PLOD2: variants seen among roughly 807,000 people sequenced by gnomAD.
PLOD2 encodes lysine hydroxylase 2.
PLOD2 carries 65 observed loss-of-function variants against 101.0 expected under a neutral mutation model. The observed-to-expected ratio is 0.64, with a 90% CI of 0.53 to 0.79. The LOEUF is 0.79. Ranked by LOEUF, PLOD2 falls within the 30% of genes least tolerant of loss-of-function variation. PLOD2 has a pLI of 0.00. For synonymous variants in PLOD2, 314 were observed against 302.9 expected (o/e 1.04, Z -0.38); for missense variants, 909 against 914.6 (o/e 0.99, Z 0.08).
intron 1 of PLOD2, among the ~76,000 whole-genome samples, chr3:146,141,972 T>TTA (rs1259511441): frequency 2.0e-5 from 3 of 152,078 alleles, no homozygotes; most frequent in African/African-American, 7.2e-5. Context: ...TGAAGAAATG[T>TTA]GTGTAACAGG....
At chr3:146,152,925 G>C (rs1052453066) in intron 1 of PLOD2, among the ~76,000 whole-genome samples, 1 of 152,162 alleles carries the variant, frequency 6.6e-6, no homozygotes, top group East Asian at 1.9e-4. Flanking sequence ...TAAAGTCACT[G>C]TTTAAAAAAT....
At chr3:146,081,480 T>C (rs967193424) in intron 12 of PLOD2, among the ~76,000 whole-genome samples, 1 of 152,176 alleles carries the variant, frequency 6.6e-6, no homozygotes, top group African/African-American at 2.4e-5. Flanking sequence ...ATAATGTGAG[T>C]ATGGTAAACA....
intron 1 of PLOD2, among the ~76,000 whole-genome samples, chr3:146,155,301 C>T (rs1005258258): frequency 1.8e-4 from 27 of 150,716 alleles, no homozygotes; most frequent in African/African-American, 6.6e-4. Context: ...TCTAGCCTGA[C>T]CTACAGAGTG....
chr3:146,123,263 A>C (rs1559861187), intron 2 of PLOD2: 1 of 1,120,116 alleles, frequency 8.9e-7, no homozygotes. Flanking sequence ...TTGTGTTCCT[A>C]CCTAGGTATC....
intron 1 of PLOD2, among the ~76,000 whole-genome samples, chr3:146,150,298 G>A (rs998293553): frequency 6.6e-6 from 1 of 151,984 alleles, no homozygotes; most frequent in Admixed American, 6.6e-5. Context: ...TTGAATCTAG[G>A]TATTCTGATG....
chr3:146,107,622 ATTTTTTTTTTTTT>A (rs71158215), intron 4 of PLOD2, among the ~76,000 whole-genome samples: 6 of 68,922 alleles, frequency 8.7e-5, no homozygotes, highest in African/African-American at 1.2e-4. Flanking sequence ...TGCCATATAA[ATTTTTTTTTTTTT>A]TTTTTTTTTT....
rs767403517 is a variant in PLOD2, at chr3:146,088,637, C to A, written c.954G>T (p.Leu318Phe). ...CTTCTTTTGGGTAATCCAGTGTCAA[C>A]AATATGTCCAGAAACCGAGGTAGAA... ...TPFLPRFLDI[L>F]LTLDYPKEAL... is the part of the protein sequence containing the mutation. The change falls in exon 9 of 20, where the codon TTG becomes TTT. Residue 318 changes from leucine to phenylalanine, a missense_variant. Coordinates refer to ENST00000282903, the MANE Select transcript of PLOD2 (RefSeq NM_182943.3). 2 of 1,600,052 alleles carry A rather than the reference C, an allele frequency of 1.2e-6. No homozygotes were observed. The highest frequency in any genetic ancestry group is 3.3e-5 in the Admixed American group (2 of 59,808).
At chr3:146,147,091 TAA>T (rs1167789164) in intron 1 of PLOD2, among the ~76,000 whole-genome samples, 1 of 152,152 alleles carries the variant, frequency 6.6e-6, no homozygotes, top group Non-Finnish European at 1.5e-5. Flanking sequence ...ACTAAGAATG[TAA>T]AGTTAGTTCA....
intron 7 of PLOD2, among the ~76,000 whole-genome samples, chr3:146,100,328 A>AC (rs1937343409): frequency 6.6e-6 from 1 of 152,184 alleles, no homozygotes; most frequent in South Asian, 2.1e-4. Flanking sequence ...CATGTGCTGG[A>AC]CCCTGGGGAA....
chr3:146,123,269 G>A, intron 2 of PLOD2: 1 of 1,126,260 alleles, frequency 8.9e-7, no homozygotes. Context: ...TCCTACCTAG[G>A]TATCTCCTTG....
intron 1 of PLOD2, among the ~76,000 whole-genome samples, chr3:146,157,905 G>A (rs182705052): frequency 5.6e-4 from 86 of 152,308 alleles, no homozygotes; most frequent in Non-Finnish European, 9.6e-4. Context: ...TCAGTAGATA[G>A]GGACAAACCT....
chr3:146,104,374 A>AT, intron 5 of PLOD2, 32 bp from the exon 6 acceptor site: 1 of 1,113,188 alleles, frequency 9.0e-7, no homozygotes, highest in Non-Finnish European at 1.4e-6. Flanking sequence ...GATATTGAAA[A>AT]TGACAACAAA....
chr3:146,128,516 C>T (rs1413563145), intron 1 of PLOD2, among the ~76,000 whole-genome samples: 3 of 152,256 alleles, frequency 2.0e-5, no homozygotes, highest in Middle Eastern at 3.4e-3. Flanking sequence ...ATCATCTTTA[C>T]ATAATCCTCC....
chr3:146,110,292 A>C lies in PLOD2; in HGVS notation c.495T>G (p.Asn165Lys). ...TTCCAGTATCTAACTCACCTCCTGA[A>C]TTCAGATAGCGTTTCCCAATGTGCA... Reference protein sequence around the residue: ...PVVHIGKRYLNSGGFIGYAPY... With the variant: ...PVVHIGKRYLKSGGFIGYAPY... Residue 165 changes from asparagine to lysine, a missense_variant, in exon 4 of 20, where the codon AAT (asparagine) becomes AAG (lysine). Physicochemically the swap from Asn to Lys is moderately conservative, Grantham distance 94. Coordinates refer to ENST00000282903, the MANE Select transcript of PLOD2 (RefSeq NM_182943.3). 1 of 1,613,684 alleles carries C rather than the reference A, an allele frequency of 6.2e-7. No individual in the cohort carries two copies. Among genetic ancestry groups the C allele is most frequent in the East Asian group, 2.2e-5 (1 of 44,846 alleles).
intron 6 of PLOD2, 25 bp from the exon 7 acceptor site, chr3:146,102,877 T>A: frequency 2.5e-6 from 3 of 1,219,732 alleles, no homozygotes; most frequent in Non-Finnish European, 3.7e-6. Context: ...GAAAATAGGC[T>A]TTAGTAATTT....
At chr3:146,150,386 C>T (rs1338676965) in intron 1 of PLOD2, among the ~76,000 whole-genome samples, 10 of 150,466 alleles carry the variant, frequency 6.6e-5, no homozygotes, top group Middle Eastern at 3.2e-3. Flanking sequence ...TTAACTTCTA[C>T]GTAGCCATTA....
rs1470693778 is a variant in PLOD2, at chr3:146,091,688, C to T, written c.879+112G>A. 8 of 692,100 alleles carry T rather than the reference C, an allele frequency of 1.2e-5. No individual in the cohort carries two copies. The Admixed American group carries it at 1.6e-4, about 14-fold the overall frequency. The allele number at this position is 692,100 out of a possible 1,614,324, so 42.9% of individuals were successfully genotyped here. On this transcript the variant is annotated intron_variant, in intron 8 of 19. Transcript: ENST00000282903. ...TGTTTTAACACTATATCCCCATTAT[C>T]TATCATAAAATCAAAACTATAAAAT...
At chr3:146,138,311 T>C (rs2031349601) in intron 1 of PLOD2, among the ~76,000 whole-genome samples, 1 of 150,806 alleles carries the variant, frequency 6.6e-6, no homozygotes, top group African/African-American at 2.4e-5. Context: ...TCTGCCATCA[T>C]GGAGTTTATA....
At chr3:146,147,386 T>C (rs1023038714) in intron 1 of PLOD2, among the ~76,000 whole-genome samples, 8 of 152,116 alleles carry the variant, frequency 5.3e-5, no homozygotes, top group African/African-American at 1.4e-4. Context: ...AGAGTGCAAA[T>C]TGGGAAATGA....
Sources: gnomAD v4.1 joint callset for allele counts (sites outside exome capture counted in the v4.1 genomes callset) on GRCh38, gnomAD v4.1.1 for gene constraint, MANE v1.5 for transcripts, NCBI Gene and HGNC (gene_info 2026-07-23, HGNC 2026-07-21) for gene names.